The following SLC37A1 variants were observed in gnomAD, a reference collection of about 807,000 sequenced individuals.
SLC37A1 encodes the protein solute carrier family 37 member 1.
In SLC37A1, 49 loss-of-function variants were observed where a neutral mutation model predicts 75.3. The ratio of observed to expected loss-of-function variants is 0.65; its 90% CI spans 0.52 to 0.83. The LOEUF is 0.83. SLC37A1 is among the 40% of genes least tolerant of loss of function. SLC37A1 has a pLI of 0.00. For missense variants in SLC37A1, 566 were observed against 695.0 expected, an observed-to-expected ratio of 0.81 and a Z score of 2.09; for synonymous variants, 268 against 292.1, an observed-to-expected ratio of 0.92 and a Z score of 0.84.
chr21:42,530,656 C>CCA (rs1307021715), intron 3 of SLC37A1, among the ~76,000 whole-genome samples: 5 of 23,472 alleles, frequency 2.1e-4, no homozygotes, highest in African/African-American at 7.1e-4. Context: ...ACACACACAC[C>CCA]CCCTCTGTGT....
chr21:42,532,903 G>A (rs976696275), intron 3 of SLC37A1, among the ~76,000 whole-genome samples: 1 of 152,208 alleles, frequency 6.6e-6, no homozygotes. Context: ...TGGGGACAGT[G>A]TTTAATTATA....
At chr21:42,506,858 G>T (rs185552213) in intron 2 of SLC37A1, among the ~76,000 whole-genome samples, 105 of 152,156 alleles carry the variant, frequency 6.9e-4, no homozygotes, top group African/African-American at 2.4e-3. Context: ...GTAATATTCA[G>T]GAAAGAATAT....
intron 10 of SLC37A1, among the ~76,000 whole-genome samples, chr21:42,555,082 T>C (rs1471466898): frequency 1.3e-5 from 2 of 150,286 alleles, no homozygotes; most frequent in Non-Finnish European, 3.0e-5. Context: ...GCCTCCTGGG[T>C]TCAAGTGATT....
intron 13 of SLC37A1, 79 bp from the exon 14 acceptor site, chr21:42,564,629 G>A (rs887187068): frequency 3.8e-5 from 44 of 1,157,556 alleles, no homozygotes; most frequent in Middle Eastern, 1.9e-4. Context: ...GCCGTTCTCC[G>A]AGCTCCTGCA....
chr21:42,549,027 T>C (rs2055492564), intron 9 of SLC37A1, among the ~76,000 whole-genome samples: 2 of 152,216 alleles, frequency 1.3e-5, no homozygotes, highest in African/African-American at 2.4e-5. Context: ...CATATGATGT[T>C]CTTAAAACTA....
intron 12 of SLC37A1, 141 bp downstream of exon 12, chr21:42,562,309 T>C: frequency 2.8e-6 from 2 of 707,536 alleles, no homozygotes; most frequent in Admixed American, 2.3e-5. Context: ...TAAAGTACTA[T>C]GATGAAACAT....
intron 14 of SLC37A1, 78 bp downstream of exon 14, chr21:42,564,871 C>G: frequency 7.4e-7 from 1 of 1,355,246 alleles, no homozygotes; most frequent in African/African-American, 1.4e-5. Context: ...CAGCATCCTT[C>G]CATCTGGCCC....
intron 18 of SLC37A1, chr21:42,575,165 G>C (rs926267601): frequency 1.0e-6 from 1 of 984,576 alleles, no homozygotes; most frequent in Admixed American, 6.1e-5. Flanking sequence ...GTGGAGCTCC[G>C]TGGCTCTAGA....
At chr21:42,523,066 G>A (rs1473754687) in intron 2 of SLC37A1, among the ~76,000 whole-genome samples, 1 of 152,214 alleles carries the variant, frequency 6.6e-6, no homozygotes, top group Non-Finnish European at 1.5e-5. Context: ...CTTCCTTCTG[G>A]GCTGTCTGGG....
chr21:42,580,275 T>A (rs1412507595), intron 19 of SLC37A1, 70 bp from the exon 20 acceptor site: 1 of 1,561,296 alleles, frequency 6.4e-7, no homozygotes, highest in East Asian at 2.3e-5. Flanking sequence ...ACATGGTGTG[T>A]GAAGTTCAGC....
intron 3 of SLC37A1, among the ~76,000 whole-genome samples, chr21:42,534,202 C>G (rs1265061254): frequency 6.6e-6 from 1 of 152,164 alleles, no homozygotes; most frequent in Non-Finnish European, 1.5e-5. Flanking sequence ...ATGCTGCAGT[C>G]TGTACTCTTT....
At chr21:42,535,041 G>A (rs939694030) in intron 4 of SLC37A1, among the ~76,000 whole-genome samples, 4 of 152,254 alleles carry the variant, frequency 2.6e-5, no homozygotes, top group Admixed American at 1.3e-4. Flanking sequence ...TCTTTATGGG[G>A]AAATGTGCTG....
Position 42,547,988 on chromosome 21 carries a change from G to GTCGCCCGT in SLC37A1, c.768+848_768+849insTCGCCCGT. ...GTGGTCAGCTCTCTGGCCTCACCCT[G>GTCGCCCGT]CTGGGCCCGTCGCCCGCGTCTGACC... On this transcript the variant is annotated intron_variant, in intron 9 of 19. Transcript: ENST00000352133. This position sits in a 1 kb window ranked among gnomAD's most constrained non-coding sequence, Gnocchi z 6.1. 6.6e-6 allele frequency among the ~76,000 whole-genome samples: 1 copy of GTCGCCCGT among 152,180 alleles called. No individual in the cohort carries two copies.
At position 42,580,758 on chromosome 21, in the gene SLC37A1, TG is replaced by T. The variant is rs2056408670; in HGVS notation, c.*400del. ...ACATCAAAGTGAGCGAGTACTGCGC[TG>T]GCTGTGGCTTCAGAGAACCTGTATG... On this transcript the variant is annotated 3_prime_UTR_variant, in exon 20 of 20. Coordinates refer to ENST00000352133, the MANE Select transcript of SLC37A1 (RefSeq NM_001320537.2). 1 of 242,280 alleles carries T rather than the reference TG, an allele frequency of 4.1e-6. No homozygotes were observed. The highest frequency in any genetic ancestry group is 2.3e-5 in the African/African-American group (1 of 43,674). 15.0% of individuals were successfully genotyped at this position (242,280 alleles called of 1,614,324 possible). A position where few individuals can be genotyped will look rare whatever the true frequency, so the allele number is the denominator to read the frequency against.
intron 17 of SLC37A1, among the ~76,000 whole-genome samples, chr21:42,570,710 G>A (rs1213191178): frequency 6.6e-6 from 1 of 152,144 alleles, no homozygotes; most frequent in Non-Finnish European, 1.5e-5. Flanking sequence ...AAAAAGAGAA[G>A]GAAATCATGA....
chr21:42,575,364 A>G (rs1422420590), intron 18 of SLC37A1: 2 of 985,370 alleles, frequency 2.0e-6, no homozygotes, highest in African/African-American at 3.5e-5. Flanking sequence ...TCCTGCAGCC[A>G]TGCTGTCAGA....
rs561877161 is a variant in SLC37A1 at position 42,547,649 on chromosome 21, C to T, written c.768+509C>T. On this transcript the variant is annotated intron_variant, in intron 9 of 19. Transcript: ENST00000352133. The surrounding 1 kb of genome is among the most constrained non-coding windows in gnomAD (Gnocchi z 6.1). Reference sequence around the variant, plus strand: ...CCATGAATGAGCCCTGCCCTAGCTGCCTCCACCCGCAGCCAGTCACCACTG... The same window carrying T: ...CCATGAATGAGCCCTGCCCTAGCTGTCTCCACCCGCAGCCAGTCACCACTG... 1.5e-3 allele frequency: 233 copies of T among 156,208 alleles called. No individual in the cohort carries two copies. The highest frequency in any genetic ancestry group is 5.4e-3 in the African/African-American group (226 of 41,594). 9.7% of individuals were successfully genotyped at this position (156,208 alleles called of 1,614,324 possible). A position where few individuals can be genotyped will look rare whatever the true frequency, so the allele number is the denominator to read the frequency against.
intron 10 of SLC37A1, among the ~76,000 whole-genome samples, chr21:42,556,574 C>A (rs2055696772): frequency 6.6e-6 from 1 of 152,234 alleles, no homozygotes. Context: ...GAACCCTTTT[C>A]TCTTTGAAAG....
intron 17 of SLC37A1, among the ~76,000 whole-genome samples, chr21:42,570,901 A>G (rs1275240451): frequency 6.6e-6 from 1 of 152,176 alleles, no homozygotes; most frequent in Admixed American, 6.5e-5. Flanking sequence ...GGTGGCACAC[A>G]CACCGGACCC....
Sources: gnomAD v4.1 joint callset for allele counts (sites outside exome capture counted in the v4.1 genomes callset) on GRCh38, gnomAD v4.1.1 for gene constraint, Gnocchi (gnomAD v3.1) non-coding constraint, MANE v1.5 for transcripts, NCBI Gene and HGNC (gene_info 2026-07-23, HGNC 2026-07-21) for gene names.